The following RPS6KA5 variants were observed in gnomAD, a reference collection of about 807,000 sequenced individuals.
The protein encoded by RPS6KA5 is ribosomal protein S6 kinase A5, also known as ribosomal protein S6 kinase alpha-5.
A neutral mutation model predicts 85.5 loss-of-function variants in RPS6KA5; 27 were observed. The observed-to-expected ratio is 0.32, with a 90% confidence interval of 0.23 to 0.44. RPS6KA5 has a LOEUF of 0.44. Ranked by LOEUF, RPS6KA5 falls within the 20% of genes least tolerant of loss-of-function variation. The pLI is 1.00. For synonymous variants in RPS6KA5, 334 were observed against 348.2 expected (o/e 0.96, Z 0.46); for missense variants, 811 against 980.9 (o/e 0.83, Z 2.31).
chr14:90,905,728 G>C (rs553765339), intron 8 of RPS6KA5, among the ~76,000 whole-genome samples: 2 of 152,272 alleles, frequency 1.3e-5, no homozygotes, highest in Admixed American at 6.5e-5. Context: ...AAGAGGAAGT[G>C]AAGAAATCAC....
chr14:91,040,921 G>A (rs774241154), intron 1 of RPS6KA5, among the ~76,000 whole-genome samples: 13 of 152,230 alleles, frequency 8.5e-5, no homozygotes, highest in Non-Finnish European at 1.5e-4. Flanking sequence ...TCAGTGGAGT[G>A]CTTGAGATGG....
At position 90,979,518 on chromosome 14, in the gene RPS6KA5, C is replaced by T. The variant is rs1426014135; in HGVS notation, c.176-994G>A. 2.6e-5 allele frequency among the ~76,000 whole-genome samples: 4 copies of T among 152,294 alleles called. 1 individual carries two copies. The highest frequency in any genetic ancestry group is 2.6e-4 in the Admixed American group (4 of 15,308). ...ATTCTGGCCCAGATCAATATTCACACTCTATGGCATTTACCACCTAATTCT... is the reference window on the plus strand; with the variant it reads ...ATTCTGGCCCAGATCAATATTCACATTCTATGGCATTTACCACCTAATTCT... On this transcript the variant is annotated intron_variant, in intron 2 of 16. Coordinates refer to ENST00000614987, the MANE Select transcript of RPS6KA5 (RefSeq NM_004755.4).
chr14:90,976,188 T>C (rs1271731359), intron 3 of RPS6KA5, among the ~76,000 whole-genome samples: 2 of 118,302 alleles, frequency 1.7e-5, no homozygotes, highest in East Asian at 2.3e-4. Context: ...ATATTGAGTA[T>C]AGTTAAGAGA....
intron 13 of RPS6KA5, 95 bp downstream of exon 13, chr14:90,894,318 A>C (rs2034715034): frequency 7.1e-7 from 1 of 1,400,342 alleles, no homozygotes; most frequent in East Asian, 2.5e-5. Flanking sequence ...AAAGTAAAAA[A>C]ATAAGGAAAC....
rs11351056 is a variant in RPS6KA5 at position 90,891,998 on chromosome 14, C to CT, written c.1645-1321dup. On this transcript the variant is annotated intron_variant, in intron 13 of 16. Coordinates refer to ENST00000614987, the MANE Select transcript of RPS6KA5 (RefSeq NM_004755.4). ...GAAAAGGGCTTCCTTGATTTTAGTTCTTTTTTTTTTTTTTTTGAGAGAGAC... is the reference window on the plus strand; with the variant it reads ...GAAAAGGGCTTCCTTGATTTTAGTTCTTTTTTTTTTTTTTTTTGAGAGAGAC... Among the ~76,000 whole-genome samples, 237 of 139,234 alleles carry CT rather than the reference C, an allele frequency of 1.7e-3. 1 individual carries two copies. Among genetic ancestry groups the CT allele is most frequent in the African/African-American group, 2.6e-3 (98 of 37,294 alleles). The allele number at this position is 139,234 out of a possible 152,430, so 91.3% of individuals were successfully genotyped here. A position where few individuals can be genotyped will look rare whatever the true frequency, so the allele number is the denominator to read the frequency against.
At chr14:91,058,638 G>A (rs763095335) in intron 1 of RPS6KA5, among the ~76,000 whole-genome samples, 3 of 152,116 alleles carry the variant, frequency 2.0e-5, no homozygotes, top group African/African-American at 4.8e-5. Context: ...GCACAAATCC[G>A]AATAAATGTA....
intron 3 of RPS6KA5, among the ~76,000 whole-genome samples, chr14:90,969,958 T>A (rs77722158): frequency 6.6e-6 from 1 of 152,090 alleles, no homozygotes; most frequent in African/African-American, 2.4e-5. Context: ...TGAACTCCCA[T>A]ACCTCCTGTT....
intron 7 of RPS6KA5, among the ~76,000 whole-genome samples, chr14:90,909,604 C>G (rs1387475183): frequency 6.6e-6 from 1 of 152,034 alleles, no homozygotes; most frequent in Non-Finnish European, 1.5e-5. Flanking sequence ...TATTCATTTG[C>G]AAAATATACA....
At chr14:91,015,979 C>G (rs1189717966) in intron 1 of RPS6KA5, among the ~76,000 whole-genome samples, 2 of 152,142 alleles carry the variant, frequency 1.3e-5, no homozygotes, top group Non-Finnish European at 2.9e-5. Flanking sequence ...CCTCCAACCC[C>G]AATTCTGAAT....
intron 14 of RPS6KA5, among the ~76,000 whole-genome samples, chr14:90,887,114 G>A (rs530531737): frequency 4.0e-5 from 6 of 151,788 alleles, no homozygotes; most frequent in South Asian, 2.1e-4. Flanking sequence ...CTTTTTTTTC[G>A]GATAGTTTAA....
rs1030958295 is a variant in RPS6KA5, at chr14:90,868,233, T to A, written c.*3841A>T. 3 of 136,576 alleles carry A rather than the reference T, an allele frequency of 2.2e-5. No individual in the cohort carries two copies. Among genetic ancestry groups the A allele is most frequent in the Non-Finnish European group, 3.3e-5 (2 of 60,452 alleles). 8.5% of individuals were successfully genotyped at this position (136,576 alleles called of 1,614,324 possible). ...TCCTTCATACATACTTCTGTTAAAA[T>A]TTTTTTTTCCCATTCTTGAGTTTTA... On this transcript the variant is annotated 3_prime_UTR_variant, in exon 17 of 17. Coordinates refer to ENST00000614987, the MANE Select transcript of RPS6KA5 (RefSeq NM_004755.4).
chr14:90,993,771 T>C (rs1443439350), intron 2 of RPS6KA5, among the ~76,000 whole-genome samples: 45 of 152,268 alleles, frequency 3.0e-4, no homozygotes, highest in Admixed American at 2.9e-3. Context: ...CAAGTACTTG[T>C]ATTTGCTCTC....
At chr14:90,908,630 C>T (rs572757015) in intron 7 of RPS6KA5, among the ~76,000 whole-genome samples, 13 of 152,226 alleles carry the variant, frequency 8.5e-5, no homozygotes, top group African/African-American at 1.4e-4. Context: ...CTGGGAGTGG[C>T]GTGGTGAGGA....
intron 1 of RPS6KA5, among the ~76,000 whole-genome samples, chr14:91,029,440 C>T (rs892537571): frequency 3.9e-5 from 6 of 152,060 alleles, no homozygotes; most frequent in Admixed American, 2.6e-4. Flanking sequence ...AAAAATAAAA[C>T]CAAGTATACT....
chr14:91,057,664 A>C (rs893807456), intron 1 of RPS6KA5, among the ~76,000 whole-genome samples: 1 of 152,238 alleles, frequency 6.6e-6, no homozygotes, highest in African/African-American at 2.4e-5. Context: ...CATAGGCTAA[A>C]CACTAAATGA....
At chr14:91,019,936 GT>G (rs1228981858) in intron 1 of RPS6KA5, among the ~76,000 whole-genome samples, 2 of 152,170 alleles carry the variant, frequency 1.3e-5, no homozygotes, top group East Asian at 3.8e-4. Context: ...AACCTAGATG[GT>G]ACAGCCTACT....
chr14:90,938,496 CT>C (rs1296389557), intron 5 of RPS6KA5, among the ~76,000 whole-genome samples: 1 of 152,266 alleles, frequency 6.6e-6, no homozygotes, highest in Admixed American at 6.5e-5. Flanking sequence ...TCACATTTCC[CT>C]TCTGCACTGC....
At chr14:90,906,977 T>C (rs2035540411) in intron 7 of RPS6KA5, among the ~76,000 whole-genome samples, 1 of 152,216 alleles carries the variant, frequency 6.6e-6, no homozygotes, top group Non-Finnish European at 1.5e-5. Flanking sequence ...AAATCCACAA[T>C]TTATTATGGA....
At chr14:90,968,975 T>C (rs976911144) in intron 3 of RPS6KA5, among the ~76,000 whole-genome samples, 2 of 152,244 alleles carry the variant, frequency 1.3e-5, no homozygotes, top group African/African-American at 4.8e-5. Flanking sequence ...ACATAATTTA[T>C]GCAGATATTT....
Sources: gnomAD v4.1 joint callset for allele counts (sites outside exome capture counted in the v4.1 genomes callset) on GRCh38, gnomAD v4.1.1 for gene constraint, MANE v1.5 for transcripts, NCBI Gene and HGNC (gene_info 2026-07-23, HGNC 2026-07-21) for gene names.